EDN1: variants seen among roughly 807,000 people sequenced by gnomAD.
The protein encoded by EDN1 is endothelin-1.
Under a neutral mutation model 21.7 loss-of-function variants are expected in EDN1, and 11 were observed. The ratio of observed to expected loss-of-function variants is 0.51; its 90% CI spans 0.32 to 0.84. The LOEUF (loss-of-function observed/expected upper bound fraction) is 0.84. Ranked by LOEUF, EDN1 falls within the 40% of genes least tolerant of loss-of-function variation. EDN1 has a pLI of 0.03. For missense variants in EDN1, 244 were observed against 262.3 expected, an observed-to-expected ratio of 0.93 and a Z score of 0.48; for synonymous variants, 85 against 90.6, an observed-to-expected ratio of 0.94 and a Z score of 0.35.
chr6:12,295,259 A>T (rs964884015), intron 4 of EDN1, among the ~76,000 whole-genome samples: 82 of 152,276 alleles, frequency 5.4e-4, no homozygotes, highest in African/African-American at 1.9e-3. Context: ...GTCATGAACT[A>T]CTTCTGAGTT....
At chr6:12,295,038 T>C (rs1393358787) in intron 4 of EDN1, among the ~76,000 whole-genome samples, 1 of 151,710 alleles carries the variant, frequency 6.6e-6, no homozygotes, top group East Asian at 1.9e-4. Flanking sequence ...GGATCTGGAT[T>C]AGGCAACATC....
the EDN1 span, among the ~76,000 whole-genome samples, chr6:12,284,464 A>T: frequency 0.024 from 3,703 of 151,774 alleles, 142 homozygotes; most frequent in African/African-American, 0.081. Context: ...GTGAGCCGTG[A>T]TTGCACTCCA....
the EDN1 span, among the ~76,000 whole-genome samples, chr6:12,274,335 C>T: frequency 6.6e-6 from 1 of 152,286 alleles, no homozygotes; most frequent in East Asian, 1.9e-4. Flanking sequence ...GTGCAATAGA[C>T]AGAGATCAAT....
At chr6:12,275,348 T>A in the EDN1 span, among the ~76,000 whole-genome samples, 1 of 152,206 alleles carries the variant, frequency 6.6e-6, no homozygotes, top group Non-Finnish European at 1.5e-5. Flanking sequence ...AGGGATGTGA[T>A]AGAATCTTTG....
chr6:12,290,750 C>T, intron 1 of EDN1, 57 bp downstream of exon 1: 1 of 1,422,360 alleles, frequency 7.0e-7, no homozygotes, highest in Non-Finnish European at 1.0e-6. Flanking sequence ...TGTTCTTATC[C>T]ACCTTCATGC....
At chr6:12,272,984 T>A in the EDN1 span, among the ~76,000 whole-genome samples, 1 of 152,192 alleles carries the variant, frequency 6.6e-6, no homozygotes, top group East Asian at 1.9e-4. Context: ...GTCACTGATC[T>A]AATGGGGATC....
chr6:12,245,637 C>T, the EDN1 span, among the ~76,000 whole-genome samples: 3 of 152,218 alleles, frequency 2.0e-5, no homozygotes, highest in Non-Finnish European at 4.4e-5. Context: ...TAGAAACACC[C>T]TCAGATGACC....
chr6:12,248,887 A>G, the EDN1 span, among the ~76,000 whole-genome samples: 3 of 152,202 alleles, frequency 2.0e-5, no homozygotes, highest in South Asian at 4.1e-4. Flanking sequence ...TGGGACAGTG[A>G]AAAAAACTGT....
At position 12,292,295 on chromosome 6, in the gene EDN1, G is replaced by A. The variant is rs1800542; in HGVS notation, c.65-46G>A. ...CTACTGTGATCCAGCATGTCTCTCG[G>A]CGTTTGAGGAGACATCCCCCACTGA... On this transcript the variant is annotated intron_variant, in intron 1 of 4. Coordinates refer to ENST00000379375, the MANE Select transcript of EDN1 (RefSeq NM_001955.5). 87,464 of 1,609,308 alleles carry A rather than the reference G, an allele frequency of 0.054. 4,656 individuals are homozygous for A. Among genetic ancestry groups the A allele is most frequent in the African/African-American group, 0.28 (20,633 of 74,966 alleles).
chr6:12,273,604 CTTTTTTTT>C, the EDN1 span, among the ~76,000 whole-genome samples: 1 of 83,380 alleles, frequency 1.2e-5, no homozygotes, highest in Non-Finnish European at 2.1e-5. Flanking sequence ...GTAGGCAGGA[CTTTTTTTT>C]TTTTTTTTTT....
At chr6:12,267,771 G>C in the EDN1 span, among the ~76,000 whole-genome samples, 40,965 of 152,102 alleles carry the variant, frequency 0.27, 5,908 homozygotes, top group East Asian at 0.56. Context: ...ATTGGAAGAA[G>C]ATGCTATCTA....
chr6:12,276,810 A>G, the EDN1 span, among the ~76,000 whole-genome samples: 5 of 152,370 alleles, frequency 3.3e-5, no homozygotes, highest in Middle Eastern at 3.4e-3. Flanking sequence ...AGGCAGGGCC[A>G]TTTTGAAGAG....
At chr6:12,245,074 T>C in the EDN1 span, among the ~76,000 whole-genome samples, 1 of 152,188 alleles carries the variant, frequency 6.6e-6, no homozygotes, top group African/African-American at 2.4e-5. Flanking sequence ...ACAAAATGTC[T>C]TTTAAAAAAT....
the EDN1 span, among the ~76,000 whole-genome samples, chr6:12,246,856 A>G: frequency 6.6e-6 from 1 of 152,142 alleles, no homozygotes; most frequent in Admixed American, 6.5e-5. Context: ...TCCATCTCAA[A>G]CTGGAGATAA....
At position 12,297,037 on chromosome 6, in the gene EDN1, T is replaced by C. The variant is rs933088419; in HGVS notation, c.*970T>C. On this transcript the variant is annotated 3_prime_UTR_variant, in exon 5 of 5. Coordinates refer to ENST00000379375, the MANE Select transcript of EDN1 (RefSeq NM_001955.5). ...TTTATAGATATTTATATTCAAACAA[T>C]TTATTCCTTATATTTACCATGTTAA... The C allele has an allele frequency of 9.2e-5, 14 of 152,220 alleles. No homozygotes were observed. Among genetic ancestry groups the C allele is most frequent in the Admixed American group, 5.2e-4 (8 of 15,278 alleles). The allele number at this position is 152,220 out of a possible 1,614,324, so 9.4% of individuals were successfully genotyped here.
chr6:12,279,947 A>G, the EDN1 span, among the ~76,000 whole-genome samples: 1 of 152,250 alleles, frequency 6.6e-6, no homozygotes, highest in African/African-American at 2.4e-5. Context: ...AAGTATAACT[A>G]TAAGCAATCA....
At chr6:12,293,590 A>C (rs1337688863) in intron 2 of EDN1, among the ~76,000 whole-genome samples, 1 of 152,242 alleles carries the variant, frequency 6.6e-6, no homozygotes, top group Admixed American at 6.5e-5. Context: ...TAGTTAACTA[A>C]ATAGACCATT....
At chr6:12,269,145 T>A in the EDN1 span, among the ~76,000 whole-genome samples, 2 of 152,112 alleles carry the variant, frequency 1.3e-5, no homozygotes, top group Non-Finnish European at 2.9e-5. Context: ...TTTATAGTTT[T>A]ATAGAAATGC....
At chr6:12,288,085 G>T (rs1453749921), upstream of EDN1, among the ~76,000 whole-genome samples, 7 of 152,060 alleles carry the variant, frequency 4.6e-5, no homozygotes. Flanking sequence ...GTGGGGTGGC[G>T]TGGAGTGGGG....
Sources: allele counts gnomAD v4.1 joint callset (sites outside exome capture counted in the v4.1 genomes callset), GRCh38; gene constraint gnomAD v4.1.1; transcripts MANE v1.5; gene names NCBI Gene and HGNC (gene_info 2026-07-23, HGNC 2026-07-21).